OTOG: variants seen among roughly 807,000 people sequenced by gnomAD.
The protein encoded by OTOG is otogelin.
In OTOG, 296 loss-of-function variants were observed where a neutral mutation model predicts 313.8. The ratio of observed to expected loss-of-function variants is 0.94; its 90% CI spans 0.86 to 1.04. The LOEUF (loss-of-function observed/expected upper bound fraction) is 1.04, where lower values mean the gene tolerates loss of function less well. Ranked by LOEUF, OTOG falls within the 50% of genes least tolerant of loss-of-function variation. The pLI, the probability that OTOG is intolerant of heterozygous loss-of-function variation, is 0.00. For missense variants in OTOG, 3,948 were observed against 3,840.1 expected (o/e 1.03, Z -0.74); for synonymous variants, 1,533 against 1,554.9 (o/e 0.99, Z 0.33).
intron 53 of OTOG, among the ~76,000 whole-genome samples, chr11:17,643,008 A>G: frequency 6.6e-6 from 1 of 152,174 alleles, no homozygotes; most frequent in East Asian, 1.9e-4. Context: ...ATTATAGAGG[A>G]GGAGGGTTTT....
chr11:17,591,392 A>T, intron 24 of OTOG, 58 bp from the exon 25 acceptor site: 1 of 1,540,312 alleles, frequency 6.5e-7, no homozygotes, highest in African/African-American at 1.4e-5. Context: ...CTCTGTCATG[A>T]GTATTCAGGT....
intron 36 of OTOG, among the ~76,000 whole-genome samples, chr11:17,611,805 T>A (rs1293357021): frequency 7.2e-6 from 1 of 137,980 alleles, no homozygotes; most frequent in Non-Finnish European, 1.5e-5. Context: ...TTTGTGCCTT[T>A]GTGAGAAACT....
At chr11:17,601,137 C>G (rs1389351807) in intron 31 of OTOG, among the ~76,000 whole-genome samples, 1 of 152,316 alleles carries the variant, frequency 6.6e-6, no homozygotes, top group Non-Finnish European at 1.5e-5. Flanking sequence ...CCAGCACAGC[C>G]AGCACTGCTT....
intron 3 of OTOG, among the ~76,000 whole-genome samples, chr11:17,550,948 G>C (rs185916759): frequency 4.3e-4 from 65 of 152,376 alleles, no homozygotes; most frequent in Non-Finnish European, 4.7e-4. Context: ...AGGGCCAAGA[G>C]CTGGGGTTGG....
At chr11:17,580,301 AC>A (rs1346307521) in intron 23 of OTOG, among the ~76,000 whole-genome samples, 2 of 152,192 alleles carry the variant, frequency 1.3e-5, no homozygotes, top group Non-Finnish European at 2.9e-5. Context: ...CCACTTCCTA[AC>A]TGAGTTAATT....
intron 54 of OTOG, 57 bp downstream of exon 54, chr11:17,643,563 T>C: frequency 3.9e-6 from 5 of 1,269,242 alleles, no homozygotes; most frequent in Non-Finnish European, 5.2e-6. Flanking sequence ...GCACAGGGTG[T>C]CATGTCAGGG....
Position 17,558,542 on chromosome 11 carries a change from T to C in OTOG, c.1001T>C (p.Val334Ala). ...LQQNPGTMQG[V>A]YEQCEALLRP... is the part of the protein sequence containing the mutation. ...GCTCCTGGTCCCTTGCTCTAGGGCG[T>C]GTACGAGCAGTGTGAGGCTCTACTG... Residue 334 changes from valine (V) to alanine (A), a missense_variant, in exon 10 of 56, where the codon GTG (valine) becomes GCG (alanine). By Grantham distance (64) the Val-to-Ala change is moderately conservative. Coordinates refer to ENST00000399397, the MANE Select transcript of OTOG (RefSeq NM_001292063.2). 6.4e-7 allele frequency: 1 copy of C among 1,550,478 alleles called. No homozygotes were observed. Among genetic ancestry groups the C allele is most frequent in the Non-Finnish European group, 8.7e-7 (1 of 1,146,994 alleles).
At position 17,570,216 on chromosome 11, in the gene OTOG, C is replaced by G. The variant is rs746161543; in HGVS notation, c.1781C>G (p.Ala594Gly). The G allele has an allele frequency of 1.9e-6, 3 of 1,550,438 alleles. 1 individual carries two copies. In the South Asian group the frequency reaches 3.6e-5, roughly 18 times the overall value. The change falls in exon 17 of 56, where the codon GCC becomes GGC. Residue 594 changes from alanine (A) to glycine (G), a missense_variant. Coordinates refer to ENST00000399397, the MANE Select transcript of OTOG (RefSeq NM_001292063.2). ...YKIIPPYTDD[A>G]FEIRRLSSVF... ...TCCTTTTGGATTCTGTGCCCAGATGCCTTTGAGATCCGTAGGCTGTCCTCC... is the reference window on the plus strand; with the variant it reads ...TCCTTTTGGATTCTGTGCCCAGATGGCTTTGAGATCCGTAGGCTGTCCTCC...
At chr11:17,583,572 A>G (rs573400023) in intron 23 of OTOG, among the ~76,000 whole-genome samples, 1 of 152,268 alleles carries the variant, frequency 6.6e-6, no homozygotes, top group Non-Finnish European at 1.5e-5. Flanking sequence ...TTTTTAAAAA[A>G]CACTTTCTTC....
intron 40 of OTOG, among the ~76,000 whole-genome samples, chr11:17,631,072 G>C (rs184101794): frequency 6.6e-6 from 1 of 152,262 alleles, no homozygotes; most frequent in Non-Finnish European, 1.5e-5. Context: ...TATGAACTAG[G>C]CCTGGAGGTG....
chr11:17,614,210 A>G (rs747800454), intron 39 of OTOG, among the ~76,000 whole-genome samples: 1 of 152,094 alleles, frequency 6.6e-6, no homozygotes, highest in Non-Finnish European at 1.5e-5. Flanking sequence ...CAGGTGGGCA[A>G]AGGGTACTGA....
At chr11:17,636,401 C>T (rs1305791302) in intron 47 of OTOG, among the ~76,000 whole-genome samples, 1 of 152,108 alleles carries the variant, frequency 6.6e-6, no homozygotes, top group East Asian at 1.9e-4. Flanking sequence ...AAATATTATT[C>T]AATTTACAAA....
In OTOG at chr11:17,608,342, C is replaced by T. The variant is rs1292469143; in HGVS notation, c.4203C>T (p.Tyr1401=). ...GAAYPICEWR[Y]DACASPCFQT... is the part of the protein sequence containing the mutation. ...CCTACCCCATCTGCGAGTGGCGCTA[C>T]GATGCCTGTGCCAGCCCCTGCTTCC... The change falls in exon 34 of 56, where the codon TAC becomes TAT. Residue 1401 remains tyrosine (Y), a synonymous_variant. Coordinates refer to ENST00000399397, the MANE Select transcript of OTOG (RefSeq NM_001292063.2). 10 of 1,547,378 alleles carry T rather than the reference C, an allele frequency of 6.5e-6. No individual in the cohort carries two copies. The highest frequency in any genetic ancestry group is 1.7e-4 in the Middle Eastern group (1 of 5,996).
chr11:17,609,905 G>C lies in OTOG; in HGVS notation c.4605G>C (p.Glu1535Asp), dbSNP rs1455837893. 1 of 1,521,418 alleles carries C rather than the reference G, an allele frequency of 6.6e-7. No homozygotes were observed. The highest frequency in any genetic ancestry group is 2.0e-5 in the Admixed American group (1 of 49,318). The allele number at this position is 1,521,418 out of a possible 1,614,324, so 94.2% of individuals were successfully genotyped here. A position where few individuals can be genotyped will look rare whatever the true frequency, so the allele number is the denominator to read the frequency against. Residue 1535 changes from glutamate (E) to aspartate (D), a missense_variant, in exon 36 of 56, where the codon GAG becomes GAC. Transcript: ENST00000399397. ...AGACCACCCTGCAGCAGCCACTGGA[G>C]CTCACTGCATCTCAACTCCCCGCCG... ...PTQTTLQQPLELTASQLPAGP... is the reference protein window; with the variant it reads ...PTQTTLQQPLDLTASQLPAGP...
At chr11:17,562,557 T>A (rs1852213838) in intron 15 of OTOG, among the ~76,000 whole-genome samples, 2 of 150,838 alleles carry the variant, frequency 1.3e-5, no homozygotes. Context: ...TTAGGAAAAT[T>A]ACACCCATTT....
At chr11:17,596,438 G>A (rs762356648) in intron 29 of OTOG, among the ~76,000 whole-genome samples, 1 of 152,200 alleles carries the variant, frequency 6.6e-6, no homozygotes, top group Non-Finnish European at 1.5e-5. Context: ...TGGACCCAAA[G>A]CCCTCATGCT....
chr11:17,551,973 G>A, intron 3 of OTOG, 27 bp from the exon 4 acceptor site: 6 of 1,548,158 alleles, frequency 3.9e-6, no homozygotes, highest in Non-Finnish European at 5.2e-6. Flanking sequence ...AGCCCTCGAT[G>A]TGTTCTCTTC....
At chr11:17,623,237 T>C (rs980708972) in intron 39 of OTOG, among the ~76,000 whole-genome samples, 2 of 152,176 alleles carry the variant, frequency 1.3e-5, no homozygotes, top group African/African-American at 4.8e-5. Flanking sequence ...ACAGATTATT[T>C]TGTCACCCAG....
At chr11:17,617,652 G>A (rs1052355814) in intron 39 of OTOG, among the ~76,000 whole-genome samples, 3 of 152,120 alleles carry the variant, frequency 2.0e-5, no homozygotes, top group African/African-American at 7.2e-5. Flanking sequence ...GAATCTATGT[G>A]CCATATCTAA....
Sources: gnomAD v4.1 joint callset for allele counts (sites outside exome capture counted in the v4.1 genomes callset) on GRCh38, gnomAD v4.1.1 for gene constraint, MANE v1.5 for transcripts, NCBI Gene and HGNC (gene_info 2026-07-23, HGNC 2026-07-21) for gene names.